GRIA3: variants seen among roughly 807,000 people sequenced by gnomAD.
GRIA3 encodes glutamate receptor 3.
A neutral mutation model predicts 63.0 loss-of-function variants in GRIA3; 3 were observed. The observed-to-expected ratio is 0.05, with a 90% CI of 0.02 to 0.12. The LOEUF is 0.12. GRIA3 is among the 10% of genes least tolerant of loss of function. The pLI, the probability that GRIA3 is intolerant of heterozygous loss-of-function variation, is 1.00. For synonymous variants in GRIA3, 274 were observed against 257.9 expected (o/e 1.06, Z -0.60); for missense variants, 347 against 700.9 (o/e 0.50, Z 5.70).
intron 5 of GRIA3, among the ~76,000 whole-genome samples, chrX:123,364,619 C>A (rs1331582116): frequency 8.9e-6 from 1 of 112,175 alleles, no homozygotes; most frequent in Non-Finnish European, 1.9e-5. Flanking sequence ...CATTGCTGGG[C>A]ATATATCCAA....
At chrX:123,464,769 A>T in intron 12 of GRIA3, 96 bp from the exon 13 acceptor site, 2 of 751,266 alleles carry the variant, frequency 2.7e-6, no homozygotes, top group Non-Finnish European at 2.0e-6. Flanking sequence ...GTTTTTTATT[A>T]CTGTGGATTG....
intron 5 of GRIA3, among the ~76,000 whole-genome samples, chrX:123,380,084 A>C (rs959047569): frequency 5.4e-5 from 6 of 111,166 alleles, no homozygotes; most frequent in Non-Finnish European, 9.4e-5. Context: ...TGCTATTGTG[A>C]ATAGTGCCAC....
intron 3 of GRIA3, among the ~76,000 whole-genome samples, chrX:123,298,612 T>C (rs749356003): frequency 1.8e-5 from 2 of 111,581 alleles, no homozygotes; most frequent in South Asian, 7.6e-4. Flanking sequence ...TTTAAGTTCC[T>C]TATAGATGCT....
At chrX:123,349,917 G>A (rs1378512737) in intron 4 of GRIA3, among the ~76,000 whole-genome samples, 1 of 111,435 alleles carries the variant, frequency 9.0e-6, no homozygotes, top group Non-Finnish European at 1.9e-5. Flanking sequence ...TGTAAAGTAT[G>A]GCATGTTTTA....
chrX:123,318,042 C>T (rs758805126), intron 3 of GRIA3, among the ~76,000 whole-genome samples: 13 of 112,775 alleles, frequency 1.2e-4, no homozygotes, highest in African/African-American at 1.6e-4. Context: ...ACATGGAAGC[C>T]GCCAAGGCTT....
chrX:123,468,350 C>T (rs903039313), intron 13 of GRIA3, among the ~76,000 whole-genome samples: 1 of 111,143 alleles, frequency 9.0e-6, no homozygotes, highest in Non-Finnish European at 1.9e-5. Flanking sequence ...ATTTGAAGCC[C>T]TCTAATTAAT....
intron 3 of GRIA3, among the ~76,000 whole-genome samples, chrX:123,312,120 C>T (rs1047564526): frequency 2.7e-5 from 3 of 111,943 alleles, no homozygotes; most frequent in Admixed American, 9.5e-5. Flanking sequence ...CTATCCTTGA[C>T]CCCGCCTTGA....
intron 5 of GRIA3, among the ~76,000 whole-genome samples, chrX:123,367,726 C>T (rs1369355240): frequency 1.8e-5 from 2 of 111,473 alleles, no homozygotes; most frequent in African/African-American, 3.3e-5. Context: ...CATGAGCCAC[C>T]GTGTCCAGCC....
chrX:123,291,016 C>T (rs1323545816), intron 3 of GRIA3, among the ~76,000 whole-genome samples: 1 of 111,756 alleles, frequency 8.9e-6, no homozygotes, highest in African/African-American at 3.2e-5. Context: ...TAAGTTAAAG[C>T]TTTAACACAC....
chrX:123,311,221 T>C (rs2044789486), intron 3 of GRIA3, among the ~76,000 whole-genome samples: 1 of 111,630 alleles, frequency 9.0e-6, no homozygotes, highest in Admixed American at 9.5e-5. Flanking sequence ...GTTCAAACAT[T>C]TATAATGCCT....
chrX:123,212,082 T>C (rs960813605), intron 2 of GRIA3, among the ~76,000 whole-genome samples: 11 of 112,043 alleles, frequency 9.8e-5, no homozygotes, highest in African/African-American at 3.6e-4. Context: ...ATATATTGTG[T>C]ATGAAGTTAT....
At chrX:123,474,725 T>C (rs2045879431) in intron 13 of GRIA3, among the ~76,000 whole-genome samples, 1 of 111,428 alleles carries the variant, frequency 9.0e-6, no homozygotes, top group South Asian at 3.8e-4. Flanking sequence ...AATAAGTTTC[T>C]ACTTTCACAG....
intron 3 of GRIA3, among the ~76,000 whole-genome samples, chrX:123,286,803 A>C (rs2044622832): frequency 8.9e-6 from 1 of 111,964 alleles, no homozygotes; most frequent in South Asian, 3.7e-4. Context: ...ACCAAGGACC[A>C]GACGGATTCG....
rs141985855 is a variant in GRIA3 at position 123,378,660 on chromosome X, C to T, written c.751-16308C>T. On this transcript the variant is annotated intron_variant, in intron 5 of 15. Coordinates refer to ENST00000620443, the MANE Select transcript of GRIA3 (RefSeq NM_007325.5). ...TCCTGACCTCAAGTGATCTGCCCAC[C>T]TCCGCCTCCCAAAGTGGCTGGGATT... Among the ~76,000 whole-genome samples, 805 of 110,999 alleles carry T rather than the reference C, an allele frequency of 7.3e-3. 8 individuals are homozygous for T. The highest frequency in any genetic ancestry group is 0.025 in the African/African-American group (773 of 30,516).
intron 4 of GRIA3, among the ~76,000 whole-genome samples, chrX:123,341,850 T>G (rs1029830739): frequency 4.2e-4 from 47 of 112,179 alleles, no homozygotes; most frequent in African/African-American, 1.5e-3. Flanking sequence ...CAAAAATGTT[T>G]TATTAGGAAA....
intron 10 of GRIA3, among the ~76,000 whole-genome samples, chrX:123,406,119 G>A (rs2045472594): frequency 8.9e-6 from 1 of 112,534 alleles, no homozygotes; most frequent in Admixed American, 9.4e-5. Flanking sequence ...CTCTGATTGT[G>A]AATGACAGAT....
intron 5 of GRIA3, among the ~76,000 whole-genome samples, chrX:123,366,684 TG>T (rs1313889765): frequency 3.6e-5 from 4 of 111,656 alleles, no homozygotes; most frequent in Non-Finnish European, 7.5e-5. Context: ...TTCCATGAAC[TG>T]GGAAACTGTT....
At chrX:123,202,843 C>T in intron 2 of GRIA3, 1 of 1,033,524 alleles carries the variant, frequency 9.7e-7, no homozygotes, top group African/African-American at 1.9e-5. Context: ...TCTTGTTCAC[C>T]AATTCCTGTT....
chrX:123,352,713 C>T (rs745391980), intron 4 of GRIA3, among the ~76,000 whole-genome samples: 63 of 111,447 alleles, frequency 5.7e-4, no homozygotes, highest in Non-Finnish European at 1.0e-3. Context: ...TCTAGCAGAA[C>T]TCAAAACCCT....
Sources: gnomAD v4.1 joint callset for allele counts (sites outside exome capture counted in the v4.1 genomes callset) on GRCh38, gnomAD v4.1.1 for gene constraint, MANE v1.5 for transcripts, NCBI Gene and HGNC (gene_info 2026-07-23, HGNC 2026-07-21) for gene names.